Variants in CMIP observed in about 807,000 individuals in gnomAD.
The protein encoded by CMIP is c-Maf inducing protein, also known as C-Maf-inducing protein.
In CMIP, 13 loss-of-function variants were observed where a neutral mutation model predicts 97.3. That is an observed-to-expected ratio of 0.13 (90% CI 0.09 to 0.21). The LOEUF is 0.21. Among genes scored for constraint, CMIP ranks in the 10% least tolerant of loss-of-function variants. The pLI is 1.00. For synonymous variants in CMIP, 538 were observed against 436.3 expected (o/e 1.23, Z -2.91); for missense variants, 847 against 1,024.9 (o/e 0.83, Z 2.37).
chr16:81,509,151 G>C (rs1365412930), intron 1 of CMIP, among the ~76,000 whole-genome samples: 1 of 152,240 alleles, frequency 6.6e-6, no homozygotes, highest in Non-Finnish European at 1.5e-5. Context: ...GGTGTCTGCA[G>C]GTGTCACCAA....
intron 2 of CMIP, 84 bp downstream of exon 2, chr16:81,607,776 G>A (rs1334543718): frequency 7.7e-6 from 11 of 1,435,422 alleles, no homozygotes; most frequent in Non-Finnish European, 8.6e-6. Context: ...GAGGGAGCCA[G>A]CAGCTATCAA....
intron 18 of CMIP, among the ~76,000 whole-genome samples, chr16:81,704,302 A>C (rs1361425549): frequency 4.6e-4 from 9 of 19,530 alleles, no homozygotes; most frequent in South Asian, 2.6e-3. Flanking sequence ...CTGCCCCCTC[A>C]CCCTCCTCCC....
chr16:81,448,728 C>T (rs895611900), intron 1 of CMIP, among the ~76,000 whole-genome samples: 8 of 152,338 alleles, frequency 5.3e-5, no homozygotes, highest in East Asian at 1.9e-4. Flanking sequence ...CCGAAATGCT[C>T]GTAAACAAAG....
chr16:81,701,540 G>T lies in CMIP; in HGVS notation c.1756-120G>T, dbSNP rs541188205. ...GATTTGCCCAGGCTTACACAGCCGG[G>T]GCTGCAGAAAGGGGATAGTGGGGTT... is the stretch of plus-strand genomic sequence containing the variant. On this transcript the variant is annotated intron_variant, in intron 15 of 20. Transcript: ENST00000537098. The T allele has an allele frequency of 4.3e-6, 6 of 1,385,702 alleles. No individual in the cohort carries two copies. The East Asian group carries it at 1.4e-4, about 32-fold the overall frequency. 85.8% of individuals were successfully genotyped at this position (1,385,702 alleles called of 1,614,324 possible).
intron 8 of CMIP, among the ~76,000 whole-genome samples, chr16:81,670,619 TTGGGG>T (rs1320333317): frequency 1.6e-4 from 10 of 63,974 alleles, no homozygotes; most frequent in African/African-American, 4.2e-4. Context: ...TGGGTTTTTT[TTGGGG>T]GGGGGGGGGG....
chr16:81,604,906 T>G (rs2091717209), intron 1 of CMIP, among the ~76,000 whole-genome samples: 1 of 152,176 alleles, frequency 6.6e-6, no homozygotes, highest in African/African-American at 2.4e-5. Flanking sequence ...TTTTGTAAGA[T>G]AGTCATTAAT....
At chr16:81,589,457 C>T (rs1597121210) in intron 1 of CMIP, among the ~76,000 whole-genome samples, 1 of 151,702 alleles carries the variant, frequency 6.6e-6, no homozygotes, top group Non-Finnish European at 1.5e-5. Context: ...ATTAGAAGCA[C>T]AGTAGAAACA....
chr16:81,683,793 GCT>G (rs1246332535), intron 10 of CMIP, among the ~76,000 whole-genome samples: 1 of 107,136 alleles, frequency 9.3e-6, no homozygotes, highest in East Asian at 3.1e-4. Context: ...ATGGAGTCAC[GCT>G]CTCTCACCCA....
chr16:81,568,816 A>G (rs546344463), intron 1 of CMIP, among the ~76,000 whole-genome samples: 1 of 152,332 alleles, frequency 6.6e-6, no homozygotes, highest in East Asian at 1.9e-4. Flanking sequence ...CCAGTCTGAA[A>G]GGCGAGTGGG....
chr16:81,448,592 G>A (rs148582971), intron 1 of CMIP, among the ~76,000 whole-genome samples: 6 of 152,348 alleles, frequency 3.9e-5, no homozygotes, highest in African/African-American at 1.2e-4. Context: ...GGATCAGGTC[G>A]CAGCTTGCCC....
At chr16:81,679,271 G>T (rs1404935832) in intron 10 of CMIP, among the ~76,000 whole-genome samples, 1 of 152,170 alleles carries the variant, frequency 6.6e-6, no homozygotes, top group African/African-American at 2.4e-5. Flanking sequence ...GTGTGTGTGT[G>T]TGTGTGTTAA....
chr16:81,498,745 C>T (rs929174422), intron 1 of CMIP, among the ~76,000 whole-genome samples: 1 of 152,306 alleles, frequency 6.6e-6, no homozygotes, highest in South Asian at 2.1e-4. Flanking sequence ...TGTATACACA[C>T]AGTCCACACG....
chr16:81,517,069 C>G (rs2089929633), intron 1 of CMIP, among the ~76,000 whole-genome samples: 1 of 151,136 alleles, frequency 6.6e-6, no homozygotes, highest in Non-Finnish European at 1.5e-5. Flanking sequence ...CACTGAAAAG[C>G]CAGACAGCCT....
chr16:81,706,500 G>A (rs905525927), intron 19 of CMIP, among the ~76,000 whole-genome samples: 3 of 152,208 alleles, frequency 2.0e-5, no homozygotes, highest in African/African-American at 4.8e-5. Context: ...CCGGGGGGGC[G>A]CGGTCCTCAT....
At chr16:81,572,277 C>T (rs1253232884) in intron 1 of CMIP, among the ~76,000 whole-genome samples, 1 of 152,230 alleles carries the variant, frequency 6.6e-6, no homozygotes, top group Non-Finnish European at 1.5e-5. Flanking sequence ...GTTGGGCTGT[C>T]GGGTTGGCCT....
At chr16:81,531,099 A>G (rs2090226056) in intron 1 of CMIP, among the ~76,000 whole-genome samples, 1 of 152,166 alleles carries the variant, frequency 6.6e-6, no homozygotes, top group Admixed American at 6.5e-5. Context: ...TGCAGATGCG[A>G]CCAAGTTAAG....
intron 4 of CMIP, among the ~76,000 whole-genome samples, chr16:81,653,181 C>T (rs2092447734): frequency 6.6e-6 from 1 of 152,206 alleles, no homozygotes; most frequent in African/African-American, 2.4e-5. Context: ...GTTGATGACT[C>T]CTGATTTAAA....
intron 1 of CMIP, among the ~76,000 whole-genome samples, chr16:81,489,069 G>A (rs1331715565): frequency 6.7e-6 from 1 of 150,042 alleles, no homozygotes; most frequent in Non-Finnish European, 1.5e-5. Context: ...CAGTTTGATT[G>A]TCTGCTTTGT....
intron 3 of CMIP, among the ~76,000 whole-genome samples, chr16:81,633,087 C>T (rs182403064): frequency 3.2e-4 from 48 of 152,346 alleles, no homozygotes; most frequent in African/African-American, 1.1e-3. Context: ...TTCATGTAAA[C>T]GGTTTGTGGG....
Sources: allele counts gnomAD v4.1 joint callset (sites outside exome capture counted in the v4.1 genomes callset), GRCh38; gene constraint gnomAD v4.1.1; transcripts MANE v1.5; gene names NCBI Gene and HGNC (gene_info 2026-07-23, HGNC 2026-07-21).